The following FGF12 variants were observed in gnomAD, a reference collection of about 807,000 sequenced individuals.
FGF12 encodes fibroblast growth factor 12.
In FGF12, 14 loss-of-function variants were observed where a neutral mutation model predicts 23.6. That is an observed-to-expected ratio of 0.59 (90% CI 0.39 to 0.93). The LOEUF is 0.93. Among genes scored for constraint, FGF12 ranks in the 40% least tolerant of loss-of-function variants. FGF12 has a pLI of 0.00. For missense variants in FGF12, 175 were observed against 217.8 expected (o/e 0.80, Z 1.24); for synonymous variants, 62 against 77.3 (o/e 0.80, Z 1.04).
intron 4 of FGF12, among the ~76,000 whole-genome samples, chr3:192,311,218 T>C (rs1715915088): frequency 6.6e-6 from 1 of 152,106 alleles, no homozygotes. Context: ...ATTCACAGAG[T>C]TGTAAAACCA....
intron 2 of FGF12, among the ~76,000 whole-genome samples, chr3:192,704,907 C>G (rs537581063): frequency 6.6e-5 from 10 of 152,350 alleles, no homozygotes; most frequent in South Asian, 4.1e-4. Context: ...ACCTCATGAA[C>G]CACCCTCTGC....
At chr3:192,310,672 C>G (rs991361771) in intron 4 of FGF12, among the ~76,000 whole-genome samples, 1 of 152,130 alleles carries the variant, frequency 6.6e-6, no homozygotes, top group African/African-American at 2.4e-5. Flanking sequence ...ATCTGTTTTG[C>G]AATTTAATAC....
intron 2 of FGF12, among the ~76,000 whole-genome samples, chr3:192,428,342 A>G (rs529459902): frequency 1.2e-4 from 19 of 152,318 alleles, no homozygotes; most frequent in Middle Eastern, 3.4e-3. Context: ...CAGGAGAGGA[A>G]GAAGGGAAGG....
chr3:192,158,540 C>A (rs1338901097), intron 5 of FGF12, among the ~76,000 whole-genome samples: 1 of 136,126 alleles, frequency 7.3e-6, no homozygotes, highest in Non-Finnish European at 1.6e-5. Flanking sequence ...CCCTTCCTCC[C>A]GCCCTCCCTC....
chr3:192,549,257 C>T lies in FGF12; in HGVS notation c.13+177924G>A, dbSNP rs1025559003. Among the ~76,000 whole-genome samples, 7 of 151,944 alleles carry T rather than the reference C, an allele frequency of 4.6e-5. No homozygotes were observed. The South Asian group carries it at 1.2e-3, about 27-fold the overall frequency. ...TGACAACAAATTGTAAAACCCTAAACGATGGCAAATGCAGTCATGATAAAA... is the reference window on the plus strand; with the variant it reads ...TGACAACAAATTGTAAAACCCTAAATGATGGCAAATGCAGTCATGATAAAA... On this transcript the variant is annotated intron_variant, in intron 2 of 5. Coordinates refer to ENST00000445105, the MANE Select transcript of FGF12 (RefSeq NM_004113.6).
intron 4 of FGF12, among the ~76,000 whole-genome samples, chr3:192,243,002 T>C (rs1376936826): frequency 1.3e-5 from 2 of 152,064 alleles, no homozygotes; most frequent in Admixed American, 6.5e-5. Flanking sequence ...ACCTCTATTA[T>C]ATAGAAGATC....
rs184815230 is a variant in FGF12 at position 192,276,748 on chromosome 3, C to A, written c.228+58613G>T. ...ATATTACTCTAACTTGCCCCCTCTA[C>A]CTTTCTGTACAAAAATTGGCTATGA... On this transcript the variant is annotated intron_variant, in intron 4 of 5. Coordinates refer to ENST00000445105, the MANE Select transcript of FGF12 (RefSeq NM_004113.6). Among the ~76,000 whole-genome samples, 137 of 152,248 alleles carry A rather than the reference C, an allele frequency of 9.0e-4. 1 individual carries two copies. Among genetic ancestry groups the A allele is most frequent in the East Asian group, 1.7e-3 (9 of 5,170 alleles).
chr3:192,563,254 C>T (rs1418967619), intron 2 of FGF12, among the ~76,000 whole-genome samples: 3 of 152,158 alleles, frequency 2.0e-5, no homozygotes, highest in African/African-American at 7.2e-5. Context: ...GGTAAATAGA[C>T]ACAAATTTTA....
chr3:192,618,247 T>TA (rs78960252), intron 2 of FGF12, among the ~76,000 whole-genome samples: 17,469 of 125,532 alleles, frequency 0.14, 1,454 homozygotes, highest in African/African-American at 0.27. Flanking sequence ...CATGGGGAAC[T>TA]AAAAAAAAAA....
At chr3:192,169,614 G>C (rs1715428030) in intron 5 of FGF12, among the ~76,000 whole-genome samples, 2 of 152,042 alleles carry the variant, frequency 1.3e-5, no homozygotes, top group South Asian at 4.2e-4. Context: ...CCACAGAGTT[G>C]CAATGCACTG....
At chr3:192,344,082 G>A (rs1407196544) in intron 3 of FGF12, among the ~76,000 whole-genome samples, 1 of 152,122 alleles carries the variant, frequency 6.6e-6, no homozygotes, top group African/African-American at 2.4e-5. Flanking sequence ...CACATGCGTA[G>A]TGTTCCAATA....
At chr3:192,191,026 G>A (rs1716764266) in intron 4 of FGF12, among the ~76,000 whole-genome samples, 1 of 152,114 alleles carries the variant, frequency 6.6e-6, no homozygotes, top group African/African-American at 2.4e-5. Context: ...AACAATAATA[G>A]ATCTTGTATA....
At chr3:192,225,466 C>T (rs925089676) in intron 4 of FGF12, among the ~76,000 whole-genome samples, 9 of 152,038 alleles carry the variant, frequency 5.9e-5, no homozygotes, top group African/African-American at 2.2e-4. Context: ...CCTTATAAGC[C>T]TCCAATGAGG....
At chr3:192,694,685 A>C (rs1048419867) in intron 2 of FGF12, among the ~76,000 whole-genome samples, 5 of 151,896 alleles carry the variant, frequency 3.3e-5, no homozygotes, top group Non-Finnish European at 7.4e-5. Flanking sequence ...ATACAGTAAA[A>C]TAGTATACAG....
At chr3:192,160,830 G>A (rs1328103774) in intron 5 of FGF12, among the ~76,000 whole-genome samples, 1 of 152,062 alleles carries the variant, frequency 6.6e-6, no homozygotes, top group African/African-American at 2.4e-5. Flanking sequence ...TTTAAAGTCA[G>A]TGAATCTTTA....
chr3:192,158,921 G>A (rs1714710023), intron 5 of FGF12, among the ~76,000 whole-genome samples: 1 of 151,864 alleles, frequency 6.6e-6, no homozygotes, highest in Admixed American at 6.6e-5. Context: ...AGAGCGCCAT[G>A]GTGCACTCAG....
chr3:192,296,557 G>T (rs1319599244), intron 4 of FGF12, among the ~76,000 whole-genome samples: 1 of 152,032 alleles, frequency 6.6e-6, no homozygotes, highest in African/African-American at 2.4e-5. Context: ...TTCAAAAATT[G>T]TCCTGATTTA....
intron 2 of FGF12, among the ~76,000 whole-genome samples, chr3:192,645,839 T>C (rs1474858074): frequency 6.7e-6 from 1 of 149,374 alleles, no homozygotes; most frequent in Non-Finnish European, 1.5e-5. Context: ...GGTTACACTT[T>C]AGAGCATACA....
chr3:192,653,203 T>A (rs934274579), intron 2 of FGF12, among the ~76,000 whole-genome samples: 1 of 152,196 alleles, frequency 6.6e-6, no homozygotes, highest in Non-Finnish European at 1.5e-5. Context: ...TAAAACTGGT[T>A]GTAATTCAGT....
Sources: allele counts gnomAD v4.1 joint callset (sites outside exome capture counted in the v4.1 genomes callset), GRCh38; gene constraint gnomAD v4.1.1; transcripts MANE v1.5; gene names NCBI Gene and HGNC (gene_info 2026-07-23, HGNC 2026-07-21).